The following PRKACB variants were observed in gnomAD, a reference collection of about 807,000 sequenced individuals.
PRKACB encodes the protein cAMP-dependent protein kinase catalytic subunit beta.
PRKACB carries 16 observed loss-of-function variants against 51.4 expected under a neutral mutation model. The observed-to-expected ratio is 0.31, with a 90% confidence interval of 0.21 to 0.47. PRKACB has a LOEUF of 0.47. Ranked by LOEUF, PRKACB falls within the 20% of genes least tolerant of loss-of-function variation. The pLI is 1.00. For synonymous variants in PRKACB, 147 were observed against 154.4 expected (o/e 0.95, Z 0.35); for missense variants, 309 against 464.5 (o/e 0.67, Z 3.08).
intron 1 of PRKACB, among the ~76,000 whole-genome samples, chr1:84,154,252 T>C (rs919604137): frequency 5.3e-5 from 8 of 152,162 alleles, no homozygotes; most frequent in Non-Finnish European, 8.8e-5. Flanking sequence ...TTGAGTTCCT[T>C]ATATATTTTC....
intron 1 of PRKACB, among the ~76,000 whole-genome samples, chr1:84,112,225 C>CTTTTTTTTTTT (rs905575496): frequency 1.5e-4 from 18 of 120,022 alleles, no homozygotes; most frequent in Non-Finnish European, 1.9e-4. Context: ...TGGACTGCTT[C>CTTTTTTTTTTT]TTTTTTTTTT....
At chr1:84,230,751 A>G (rs1308828914) in intron 9 of PRKACB, among the ~76,000 whole-genome samples, 1 of 149,350 alleles carries the variant, frequency 6.7e-6, no homozygotes. Context: ...GTTGGTGTAT[A>G]AGAATGCCTG....
intron 1 of PRKACB, among the ~76,000 whole-genome samples, chr1:84,158,339 T>C (rs922604635): frequency 2.6e-5 from 4 of 152,284 alleles, no homozygotes; most frequent in Admixed American, 2.0e-4. Flanking sequence ...ACCCGTCTTA[T>C]CAGTCATTTT....
intron 1 of PRKACB, among the ~76,000 whole-genome samples, chr1:84,101,856 A>C (rs1649374419): frequency 6.6e-6 from 1 of 152,144 alleles, no homozygotes; most frequent in Non-Finnish European, 1.5e-5. Flanking sequence ...TAAATGAGAT[A>C]ATTATTATTT....
At chr1:84,114,617 T>A (rs1463200106) in intron 1 of PRKACB, among the ~76,000 whole-genome samples, 1 of 152,174 alleles carries the variant, frequency 6.6e-6, no homozygotes, top group Non-Finnish European at 1.5e-5. Context: ...ACATTGAATA[T>A]ATTCCATTTT....
chr1:84,121,377 T>A (rs1267679103), intron 1 of PRKACB, among the ~76,000 whole-genome samples: 7 of 152,244 alleles, frequency 4.6e-5, no homozygotes, highest in African/African-American at 1.4e-4. Flanking sequence ...TACATTCATG[T>A]ATTATACATA....
intron 1 of PRKACB, among the ~76,000 whole-genome samples, chr1:84,178,199 C>T (rs1240434606): frequency 4.6e-5 from 7 of 151,974 alleles, no homozygotes; most frequent in Non-Finnish European, 1.0e-4. Flanking sequence ...TATCTCACTT[C>T]AATACTACTG....
chr1:84,178,203 A>T (rs1201242045), intron 1 of PRKACB, among the ~76,000 whole-genome samples: 5 of 152,026 alleles, frequency 3.3e-5, no homozygotes. Flanking sequence ...TCACTTCAAT[A>T]CTACTGTATC....
intron 1 of PRKACB, among the ~76,000 whole-genome samples, chr1:84,084,965 CTT>C (rs1250809003): frequency 6.6e-6 from 1 of 152,126 alleles, no homozygotes; most frequent in East Asian, 1.9e-4. Flanking sequence ...TCATTTTACT[CTT>C]TTCAAAGACA....
chr1:84,144,248 A>T, upstream of PRKACB: 1 of 1,503,266 alleles, frequency 6.7e-7, no homozygotes, highest in African/African-American at 1.4e-5. Flanking sequence ...TGGTTTGAAT[A>T]CCCTGCAAAC....
intron 1 of PRKACB, among the ~76,000 whole-genome samples, chr1:84,146,498 A>G (rs967348240): frequency 6.6e-6 from 1 of 151,930 alleles, no homozygotes; most frequent in East Asian, 1.9e-4. Flanking sequence ...ATTTTTATTT[A>G]TTTGGCGAAT....
intron 1 of PRKACB, among the ~76,000 whole-genome samples, chr1:84,084,554 A>G (rs1007719113): frequency 1.3e-5 from 2 of 149,524 alleles, no homozygotes; most frequent in East Asian, 3.9e-4. Context: ...TAAGACTCCT[A>G]TGATAATTTG....
chr1:84,198,894 A>G (rs959328404), intron 7 of PRKACB, among the ~76,000 whole-genome samples: 19 of 147,596 alleles, frequency 1.3e-4, no homozygotes, highest in African/African-American at 3.5e-4. Context: ...ATATATGTGT[A>G]TATATATACA....
intron 1 of PRKACB, among the ~76,000 whole-genome samples, chr1:84,112,298 T>C (rs1650301409): frequency 6.9e-6 from 1 of 144,844 alleles, no homozygotes; most frequent in South Asian, 2.3e-4. Flanking sequence ...AGTGGTGCAA[T>C]CTCAGCTCAC....
chr1:84,177,750 T>C (rs966692757), intron 1 of PRKACB, among the ~76,000 whole-genome samples: 1 of 151,692 alleles, frequency 6.6e-6, no homozygotes, highest in Non-Finnish European at 1.5e-5. Context: ...TTAAAAAAAG[T>C]AATAGAAAGA....
intron 3 of PRKACB, 70 bp downstream of exon 3, chr1:84,182,398 T>G (rs1663796479): frequency 8.1e-7 from 1 of 1,238,112 alleles, no homozygotes; most frequent in Non-Finnish European, 1.1e-6. Context: ...TTAAACAGAT[T>G]CAGTATAATG....
intron 9 of PRKACB, among the ~76,000 whole-genome samples, chr1:84,214,826 A>G (rs930650100): frequency 3.3e-5 from 5 of 152,136 alleles, no homozygotes; most frequent in African/African-American, 7.2e-5. Flanking sequence ...CATATATGCT[A>G]TTTTGACCAT....
At chr1:84,088,101 A>G (rs544993070) in intron 1 of PRKACB, among the ~76,000 whole-genome samples, 10 of 152,316 alleles carry the variant, frequency 6.6e-5, no homozygotes, top group African/African-American at 2.4e-4. Context: ...CGGGATTCTT[A>G]TAAGTTAAAT....
chr1:84,223,370 GT>G (rs976444186), intron 9 of PRKACB, among the ~76,000 whole-genome samples: 402 of 21,470 alleles, frequency 0.019, 4 homozygotes, highest in African/African-American at 0.031. Context: ...GTTTTTTTTT[GT>G]TTTTTTGTTT....
Sources: gnomAD v4.1 joint callset for allele counts (sites outside exome capture counted in the v4.1 genomes callset) on GRCh38, gnomAD v4.1.1 for gene constraint, MANE v1.5 for transcripts, NCBI Gene and HGNC (gene_info 2026-07-23, HGNC 2026-07-21) for gene names.